The following FAM135A variants were observed in gnomAD, a reference collection of about 807,000 sequenced individuals.
FAM135A encodes protein FAM135A.
A neutral mutation model predicts 146.8 loss-of-function variants in FAM135A; 79 were observed. The ratio of observed to expected loss-of-function variants is 0.54; its 90% confidence interval spans 0.45 to 0.65. The LOEUF (loss-of-function observed/expected upper bound fraction) is 0.65. Ranked by LOEUF, FAM135A falls within the 30% of genes least tolerant of loss-of-function variation. FAM135A has a pLI of 0.00. For synonymous variants in FAM135A, 562 were observed against 603.6 expected, an observed-to-expected ratio of 0.93 and a Z score of 1.01; for missense variants, 1,623 against 1,758.2, an observed-to-expected ratio of 0.92 and a Z score of 1.38.
intron 13 of FAM135A, among the ~76,000 whole-genome samples, chr6:70,523,131 T>C (rs943730942): frequency 2.2e-5 from 3 of 137,872 alleles, no homozygotes; most frequent in African/African-American, 9.5e-5. Flanking sequence ...ATTCTACTTA[T>C]ATGAAGTTAT....
intron 11 of FAM135A, among the ~76,000 whole-genome samples, chr6:70,495,776 A>G (rs893760330): frequency 6.6e-6 from 1 of 152,014 alleles, no homozygotes; most frequent in Non-Finnish European, 1.5e-5. Context: ...TCATAATGCT[A>G]TCCTTCCCCT....
chr6:70,523,873 G>A, intron 13 of FAM135A, 94 bp from the exon 14 acceptor site: 3 of 1,260,898 alleles, frequency 2.4e-6, no homozygotes, highest in East Asian at 5.0e-5. Flanking sequence ...TGAGGGATAG[G>A]AATTGAGGAG....
rs529568858 is a variant in FAM135A at position 70,444,192 on chromosome 6, C to A, written c.78-8300C>A. ...GGGAAGCAGGCACATCACTTCAGATCGGGAGTTTGAGACTAGCCTGGCCAA... is the reference window on the plus strand; with the variant it reads ...GGGAAGCAGGCACATCACTTCAGATAGGGAGTTTGAGACTAGCCTGGCCAA... On this transcript the variant is annotated intron_variant, in intron 4 of 21. Transcript: ENST00000418814. Among the ~76,000 whole-genome samples the A allele has an allele frequency of 3.9e-5, 6 of 152,190 alleles. No homozygotes were observed. The East Asian group carries it at 9.6e-4, about 24-fold the overall frequency.
At chr6:70,487,303 A>G (rs1374534694) in intron 10 of FAM135A, among the ~76,000 whole-genome samples, 1 of 152,036 alleles carries the variant, frequency 6.6e-6, no homozygotes, top group Non-Finnish European at 1.5e-5. Context: ...TTATTTTATT[A>G]TACATTTTCA....
At chr6:70,436,390 C>T (rs938046993) in intron 4 of FAM135A, among the ~76,000 whole-genome samples, 2 of 152,042 alleles carry the variant, frequency 1.3e-5, no homozygotes, top group African/African-American at 2.4e-5. Context: ...CTCTGTACTC[C>T]GCAATTTGTT....
intron 16 of FAM135A, among the ~76,000 whole-genome samples, chr6:70,531,824 A>G (rs1269671280): frequency 2.1e-5 from 3 of 143,292 alleles, no homozygotes; most frequent in Admixed American, 6.9e-5. Flanking sequence ...CATAAGTGTG[A>G]TGTTTGTTCT....
chr6:70,514,286 AATTTC>A (rs1222745708), intron 12 of FAM135A, among the ~76,000 whole-genome samples: 1 of 151,888 alleles, frequency 6.6e-6, no homozygotes, highest in Admixed American at 6.6e-5. Flanking sequence ...CATCTAGTAA[AATTTC>A]ACTTCAGATA....
At chr6:70,419,620 A>G (rs559478989) in intron 2 of FAM135A, among the ~76,000 whole-genome samples, 1 of 152,276 alleles carries the variant, frequency 6.6e-6, no homozygotes, top group Non-Finnish European at 1.5e-5. Flanking sequence ...TAGTATGCAG[A>G]TTACGTGTTT....
chr6:70,548,922 A>T (rs1448043563), intron 20 of FAM135A, among the ~76,000 whole-genome samples: 1 of 150,488 alleles, frequency 6.6e-6, no homozygotes, highest in Non-Finnish European at 1.5e-5. Context: ...CCAAAAAATA[A>T]AATTAAAAAT....
intron 5 of FAM135A, among the ~76,000 whole-genome samples, chr6:70,456,532 A>T (rs1465669355): frequency 6.6e-6 from 1 of 152,228 alleles, no homozygotes; most frequent in African/African-American, 2.4e-5. Context: ...GAATGTCAGA[A>T]TTATTCTTTG....
chr6:70,554,050 A>G (rs924587060), intron 20 of FAM135A, among the ~76,000 whole-genome samples: 5 of 152,208 alleles, frequency 3.3e-5, no homozygotes, highest in African/African-American at 1.2e-4. Context: ...TTAAAGTGAC[A>G]CAAAGCTTTG....
At chr6:70,414,117 G>C in intron 1 of FAM135A, 1 of 880,214 alleles carries the variant, frequency 1.1e-6, no homozygotes, top group Non-Finnish European at 1.4e-6. Context: ...CTTTTTGCCC[G>C]GGTGGTCCCT....
intron 15 of FAM135A, among the ~76,000 whole-genome samples, chr6:70,527,177 G>C (rs1419873226): frequency 6.6e-6 from 1 of 151,966 alleles, no homozygotes; most frequent in Non-Finnish European, 1.5e-5. Context: ...GAAACTTCTT[G>C]AACTTACCAG....
chr6:70,444,875 G>A (rs1214903452), intron 4 of FAM135A, among the ~76,000 whole-genome samples: 11 of 152,100 alleles, frequency 7.2e-5, no homozygotes, highest in Admixed American at 7.2e-4. Flanking sequence ...TATTGACATA[G>A]CATCTTATTC....
At chr6:70,461,000 T>G (rs1322238157) in intron 5 of FAM135A, among the ~76,000 whole-genome samples, 1 of 151,880 alleles carries the variant, frequency 6.6e-6, no homozygotes, top group African/African-American at 2.4e-5. Context: ...ATTTTTGTAT[T>G]TTTAGTAAAG....
At chr6:70,429,933 T>A (rs1367639526) in intron 4 of FAM135A, among the ~76,000 whole-genome samples, 6 of 151,842 alleles carry the variant, frequency 4.0e-5, no homozygotes, top group African/African-American at 1.5e-4. Flanking sequence ...TGCCATCTTG[T>A]TGAAAAAATA....
intron 4 of FAM135A, among the ~76,000 whole-genome samples, chr6:70,430,886 T>G (rs1179112969): frequency 2.0e-5 from 3 of 152,218 alleles, no homozygotes; most frequent in African/African-American, 7.2e-5. Context: ...CATCTCTATC[T>G]TGCAGAACCT....
At chr6:70,531,009 G>T (rs569453740) in intron 16 of FAM135A, among the ~76,000 whole-genome samples, 1 of 152,248 alleles carries the variant, frequency 6.6e-6, no homozygotes, top group South Asian at 2.1e-4. Flanking sequence ...AAAGTAGTCA[G>T]AGGAACCAAA....
intron 4 of FAM135A, among the ~76,000 whole-genome samples, chr6:70,438,749 G>A (rs997788370): frequency 6.6e-6 from 1 of 152,182 alleles, no homozygotes; most frequent in Non-Finnish European, 1.5e-5. Context: ...GCTAAAATCT[G>A]TGGTAAGAAT....
Sources: gnomAD v4.1 joint callset for allele counts (sites outside exome capture counted in the v4.1 genomes callset) on GRCh38, gnomAD v4.1.1 for gene constraint, MANE v1.5 for transcripts, NCBI Gene and HGNC (gene_info 2026-07-23, HGNC 2026-07-21) for gene names.